AHI1: variants seen among roughly 807,000 people sequenced by gnomAD.
AHI1 encodes Abelson helper integration site 1.
A neutral mutation model predicts 149.3 loss-of-function variants in AHI1; 123 were observed. That is an observed-to-expected ratio of 0.82 (90% CI 0.71 to 0.96). The LOEUF (loss-of-function observed/expected upper bound fraction) is 0.96, where lower values mean the gene tolerates loss of function less well. Ranked by LOEUF, AHI1 falls within the 40% of genes least tolerant of loss-of-function variation. AHI1 has a pLI of 0.00. For missense variants in AHI1, 1,439 were observed against 1,422.7 expected, an observed-to-expected ratio of 1.01 and a Z score of -0.18; for synonymous variants, 475 against 459.8, an observed-to-expected ratio of 1.03 and a Z score of -0.42.
intron 23 of AHI1, among the ~76,000 whole-genome samples, chr6:135,382,791 G>A (rs1029744292): frequency 3.9e-4 from 57 of 147,188 alleles, no homozygotes; most frequent in African/African-American, 1.4e-3. Flanking sequence ...AAAAAAAACT[G>A]TTATTTTTGT....
At chr6:135,375,055 G>A (rs1337258205) in intron 23 of AHI1, among the ~76,000 whole-genome samples, 1 of 152,134 alleles carries the variant, frequency 6.6e-6, no homozygotes, top group South Asian at 2.1e-4. Flanking sequence ...GGTAGGTTTG[G>A]ATGCTTTTCT....
At chr6:135,441,445 G>A (rs572637557) in intron 14 of AHI1, among the ~76,000 whole-genome samples, 2 of 152,078 alleles carry the variant, frequency 1.3e-5, no homozygotes, top group African/African-American at 4.8e-5. Context: ...TCTCTAATTT[G>A]TGAAAAACAC....
At chr6:135,451,778 A>T (rs986484541) in intron 11 of AHI1, among the ~76,000 whole-genome samples, 1 of 152,228 alleles carries the variant, frequency 6.6e-6, no homozygotes, top group Admixed American at 6.5e-5. Flanking sequence ...TTAGCATAAA[A>T]GAAATGCAGT....
At chr6:135,471,121 GA>G (rs1374916634) in intron 5 of AHI1, among the ~76,000 whole-genome samples, 2 of 151,858 alleles carry the variant, frequency 1.3e-5, no homozygotes, top group Non-Finnish European at 2.9e-5. Flanking sequence ...GAAATAATTA[GA>G]AAAAAGAGCT....
intron 22 of AHI1, among the ~76,000 whole-genome samples, chr6:135,395,358 AAC>A (rs1432104075): frequency 2.0e-5 from 3 of 151,990 alleles, no homozygotes; most frequent in Non-Finnish European, 4.4e-5. Flanking sequence ...TGACACAGAT[AAC>A]ACAGCTGTAA....
intron 24 of AHI1, among the ~76,000 whole-genome samples, chr6:135,330,320 G>GC (rs1562513946): frequency 6.6e-6 from 1 of 152,030 alleles, no homozygotes; most frequent in East Asian, 1.9e-4. Context: ...ACAACCTTCA[G>GC]CAACTATCAG....
chr6:135,371,733 A>G (rs531322004), intron 23 of AHI1, among the ~76,000 whole-genome samples: 1 of 152,364 alleles, frequency 6.6e-6, no homozygotes, highest in South Asian at 2.1e-4. Context: ...GACTAAGACA[A>G]GAAGGCTAGC....
Position 135,454,977 on chromosome 6 carries a change from C to T in AHI1, c.1344+757G>A, listed in dbSNP as rs371801693. ...TTCGGCACTGGTTATGCCAAGTCCCCTGCTGTTCCCATGCTAAACTTCTCC... is the reference window on the plus strand; with the variant it reads ...TTCGGCACTGGTTATGCCAAGTCCCTTGCTGTTCCCATGCTAAACTTCTCC... On this transcript the variant is annotated intron_variant, in intron 10 of 28. Coordinates refer to ENST00000265602, the MANE Select transcript of AHI1 (RefSeq NM_001134831.2). 1.7e-3 allele frequency among the ~76,000 whole-genome samples: 263 copies of T among 152,246 alleles called. 2 individuals are homozygous for T. Among genetic ancestry groups the T allele is most frequent in the African/African-American group, 5.9e-3 (244 of 41,536 alleles).
intron 24 of AHI1, among the ~76,000 whole-genome samples, chr6:135,344,329 A>G (rs1790831857): frequency 6.6e-6 from 1 of 151,750 alleles, no homozygotes; most frequent in Non-Finnish European, 1.5e-5. Flanking sequence ...CTTACAAGTC[A>G]ATAATAAACA....
At chr6:135,445,794 C>G (rs898068213) in intron 13 of AHI1, among the ~76,000 whole-genome samples, 1 of 151,918 alleles carries the variant, frequency 6.6e-6, no homozygotes, top group South Asian at 2.1e-4. Flanking sequence ...CGGTGGCTCA[C>G]GCCTGTAATC....
intron 22 of AHI1, among the ~76,000 whole-genome samples, chr6:135,398,065 T>TTG (rs1779497589): frequency 1.3e-5 from 2 of 149,544 alleles, no homozygotes; most frequent in African/African-American, 4.9e-5. Flanking sequence ...GATGTTTTTT[T>TTG]TTTTTTTTTT....
intron 7 of AHI1, among the ~76,000 whole-genome samples, chr6:135,465,447 A>G (rs1790586416): frequency 6.6e-6 from 1 of 152,200 alleles, no homozygotes; most frequent in South Asian, 2.1e-4. Context: ...GGTATTTGTA[A>G]CTCAAAAAAG....
chr6:135,476,964 A>G (rs946676299), intron 5 of AHI1, among the ~76,000 whole-genome samples: 1 of 151,548 alleles, frequency 6.6e-6, no homozygotes. Context: ...TATTCTTGAT[A>G]TTGCTGAGTT....
chr6:135,398,214 G>A (rs1004449736), intron 22 of AHI1, among the ~76,000 whole-genome samples: 4 of 151,996 alleles, frequency 2.6e-5, no homozygotes, highest in African/African-American at 7.2e-5. Flanking sequence ...TAAATTTTAA[G>A]AGTAGCTTAT....
rs115766351 is a variant in AHI1 at position 135,484,852 on chromosome 6, G to A, written c.135+5771C>T. On this transcript the variant is annotated intron_variant, in intron 5 of 28. Coordinates refer to ENST00000265602, the MANE Select transcript of AHI1 (RefSeq NM_001134831.2). The stretch of plus-strand genomic sequence containing the variant: ...CAGGCAGAAAATGCTGTCTTTATTT[G>A]GGAGGTCTTTTATCCCTTTTAAGAA... Among the ~76,000 whole-genome samples, 541 of 151,632 alleles carry A rather than the reference G, an allele frequency of 3.6e-3. 5 individuals are homozygous for A. The highest frequency in any genetic ancestry group is 0.013 in the African/African-American group (520 of 41,340).
chr6:135,394,577 G>GT (rs1481954885), intron 23 of AHI1, 199 bp downstream of exon 23: 8 of 638,080 alleles, frequency 1.3e-5, no homozygotes, highest in Non-Finnish European at 2.1e-5. Flanking sequence ...TAGGTTCAGT[G>GT]TATCTACTGT....
At chr6:135,403,789 T>A (rs1780357123) in intron 22 of AHI1, among the ~76,000 whole-genome samples, 1 of 152,180 alleles carries the variant, frequency 6.6e-6, no homozygotes, top group Non-Finnish European at 1.5e-5. Flanking sequence ...TAGCTTGTTC[T>A]CTTTTCCCCC....
At chr6:135,386,784 C>T (rs923405586) in intron 23 of AHI1, among the ~76,000 whole-genome samples, 1 of 152,066 alleles carries the variant, frequency 6.6e-6, no homozygotes, top group African/African-American at 2.4e-5. Flanking sequence ...GCGCCCACCA[C>T]CATGCCTGGC....
intron 28 of AHI1, 83 bp downstream of exon 28, chr6:135,290,340 G>C (rs1324861868): frequency 9.3e-6 from 8 of 860,698 alleles, no homozygotes; most frequent in Non-Finnish European, 1.6e-5. Flanking sequence ...GCCTCTCTCT[G>C]GTATTTGTCC....
Sources: gnomAD v4.1 joint callset for allele counts (sites outside exome capture counted in the v4.1 genomes callset) on GRCh38, gnomAD v4.1.1 for gene constraint, MANE v1.5 for transcripts, NCBI Gene and HGNC (gene_info 2026-07-23, HGNC 2026-07-21) for gene names.